Variants in SGCD observed in about 807,000 individuals in gnomAD.
SGCD encodes the protein delta-sarcoglycan.
A neutral mutation model predicts 36.6 loss-of-function variants in SGCD; 18 were observed. The observed-to-expected ratio is 0.49, with a 90% CI of 0.34 to 0.73. The LOEUF (loss-of-function observed/expected upper bound fraction) is 0.73. SGCD is among the 30% of genes least tolerant of loss of function. The pLI, the probability that SGCD is intolerant of heterozygous loss-of-function variation, is 0.01. For synonymous variants in SGCD, 133 were observed against 130.6 expected (o/e 1.02, Z -0.12); for missense variants, 387 against 346.7 (o/e 1.12, Z -0.92).
chr5:156,449,487 G>A (rs12659033), intron 3 of SGCD, among the ~76,000 whole-genome samples: 41,301 of 151,348 alleles, frequency 0.27, 5,966 homozygotes, highest in African/African-American at 0.36. Flanking sequence ...AGGAAGGATA[G>A]GGAAAAGGCC....
At chr5:156,135,361 C>A (rs1251708952) in intron 3 of SGCD, among the ~76,000 whole-genome samples, 1 of 152,072 alleles carries the variant, frequency 6.6e-6, no homozygotes, top group Non-Finnish European at 1.5e-5. Flanking sequence ...GCTCTTCTGC[C>A]TTTATGGTAG....
chr5:156,733,866 G>T (rs1161139460), intron 7 of SGCD, among the ~76,000 whole-genome samples: 4 of 152,000 alleles, frequency 2.6e-5, no homozygotes, highest in African/African-American at 9.7e-5. Context: ...TTTATTTTGA[G>T]CCTATGTGTG....
chr5:156,642,067 G>T (rs1763047196), intron 6 of SGCD, among the ~76,000 whole-genome samples: 1 of 152,174 alleles, frequency 6.6e-6, no homozygotes, highest in African/African-American at 2.4e-5. Context: ...GGTCCTTCAT[G>T]TTGGCTTGCA....
At chr5:156,708,018 C>A (rs7443227) in intron 7 of SGCD, among the ~76,000 whole-genome samples, 2 of 151,982 alleles carry the variant, frequency 1.3e-5, no homozygotes, top group Non-Finnish European at 2.9e-5. Context: ...TTTTTGAATT[C>A]TACCATCCTG....
At chr5:156,189,630 C>T (rs1240514905) in intron 3 of SGCD, among the ~76,000 whole-genome samples, 1 of 151,486 alleles carries the variant, frequency 6.6e-6, no homozygotes, top group African/African-American at 2.4e-5. Flanking sequence ...TATTTAAAGA[C>T]AGAAAGTGGA....
chr5:156,470,306 T>C (rs1395842787), intron 3 of SGCD, among the ~76,000 whole-genome samples: 2 of 152,178 alleles, frequency 1.3e-5, no homozygotes, highest in African/African-American at 4.8e-5. Context: ...TGTCTAAATA[T>C]GAATGATTGT....
the SGCD span, among the ~76,000 whole-genome samples, chr5:155,841,726 G>A: frequency 1.3e-5 from 2 of 151,932 alleles, no homozygotes; most frequent in Admixed American, 6.6e-5. Flanking sequence ...CATTTTATAG[G>A]TTTTGTAGGG....
intron 2 of SGCD, among the ~76,000 whole-genome samples, chr5:156,340,345 C>T (rs753264906): frequency 1.4e-4 from 21 of 152,124 alleles, no homozygotes; most frequent in Non-Finnish European, 2.2e-4. Context: ...CATTGTAGGT[C>T]GTGTTTATAT....
the SGCD span, among the ~76,000 whole-genome samples, chr5:155,802,471 G>A: frequency 2.0e-5 from 3 of 152,168 alleles, no homozygotes; most frequent in Admixed American, 1.3e-4. Flanking sequence ...GCTTGAGATT[G>A]AAGGATTCCT....
intron 3 of SGCD, among the ~76,000 whole-genome samples, chr5:156,298,076 T>A (rs1290832966): frequency 6.6e-6 from 1 of 152,092 alleles, no homozygotes; most frequent in East Asian, 1.9e-4. Flanking sequence ...TAATGTAATA[T>A]CCTCCAGGTC....
At chr5:156,141,743 G>A (rs1762586338) in intron 3 of SGCD, among the ~76,000 whole-genome samples, 1 of 152,108 alleles carries the variant, frequency 6.6e-6, no homozygotes, top group African/African-American at 2.4e-5. Flanking sequence ...AAATGGGAAG[G>A]AACCCATTTC....
chr5:156,605,959 G>A (rs1253813116), intron 6 of SGCD, among the ~76,000 whole-genome samples: 1 of 152,180 alleles, frequency 6.6e-6, no homozygotes, highest in Non-Finnish European at 1.5e-5. Flanking sequence ...TTTGTCAGAT[G>A]AGTAGATTGC....
intron 3 of SGCD, among the ~76,000 whole-genome samples, chr5:156,415,573 A>G (rs1031959584): frequency 1.3e-5 from 2 of 152,302 alleles, no homozygotes; most frequent in African/African-American, 2.4e-5. Context: ...TGGTCTTGAC[A>G]CGAAATGAGT....
chr5:155,792,290 A>G, the SGCD span, among the ~76,000 whole-genome samples: 1 of 152,064 alleles, frequency 6.6e-6, no homozygotes, highest in Non-Finnish European at 1.5e-5. Context: ...AGACCTCAAT[A>G]AAAATCCTGG....
chr5:155,868,433 T>A (rs2113269022), upstream of SGCD, among the ~76,000 whole-genome samples: 1 of 147,868 alleles, frequency 6.8e-6, no homozygotes, highest in South Asian at 2.2e-4. Context: ...CTAGAACTCC[T>A]GGCCTCAAGC....
chr5:156,113,984 T>C (rs1166263358), intron 1 of SGCD, among the ~76,000 whole-genome samples: 1 of 152,030 alleles, frequency 6.6e-6, no homozygotes, highest in Non-Finnish European at 1.5e-5. Context: ...TGGTAGTTGC[T>C]AGGGGCTTGT....
chr5:156,298,110 T>C (rs539723366), intron 3 of SGCD, among the ~76,000 whole-genome samples: 52 of 152,246 alleles, frequency 3.4e-4, no homozygotes, highest in Middle Eastern at 3.4e-3. Flanking sequence ...AATGACAGGA[T>C]CTTATTTTTT....
At chr5:155,728,955 C>A in the SGCD span, among the ~76,000 whole-genome samples, 1 of 152,232 alleles carries the variant, frequency 6.6e-6, no homozygotes, top group Non-Finnish European at 1.5e-5. Flanking sequence ...CACCAGTCGG[C>A]TTGGTGGCCC....
At chr5:156,674,195 T>C (rs1219748650) in intron 7 of SGCD, among the ~76,000 whole-genome samples, 1 of 152,210 alleles carries the variant, frequency 6.6e-6, no homozygotes, top group Non-Finnish European at 1.5e-5. Flanking sequence ...GGCCCACTTT[T>C]GGCATTTGAA....
Sources: allele counts gnomAD v4.1 joint callset (sites outside exome capture counted in the v4.1 genomes callset), GRCh38; gene constraint gnomAD v4.1.1; transcripts MANE v1.5; gene names NCBI Gene and HGNC (gene_info 2026-07-23, HGNC 2026-07-21).